Variants in CRBN observed in about 807,000 individuals in gnomAD.
CRBN encodes the protein cereblon, also known as protein cereblon.
A neutral mutation model predicts 62.2 loss-of-function variants in CRBN; 53 were observed. That is an observed-to-expected ratio of 0.85 (90% CI 0.68 to 1.07). The LOEUF (loss-of-function observed/expected upper bound fraction) is 1.07, where lower values mean the gene tolerates loss of function less well. Ranked by LOEUF, CRBN falls within the 50% of genes least tolerant of loss-of-function variation. The pLI is 0.00. For missense variants in CRBN, 616 were observed against 531.1 expected (o/e 1.16, Z -1.57); for synonymous variants, 208 against 176.1 (o/e 1.18, Z -1.43).
rs893968395 is a variant in CRBN at position 3,150,640 on chromosome 3, T to C, written c.*225A>G. ...GGATAATGGCACCAAGCTACCCAAG[T>C]AGATGTTTCTGGTATTCTAGACTGC... On this transcript the variant is annotated 3_prime_UTR_variant, in exon 11 of 11. Coordinates refer to ENST00000231948, the MANE Select transcript of CRBN (RefSeq NM_016302.4). 2.1e-6 allele frequency: 1 copy of C among 472,986 alleles called. No homozygotes were observed. 29.3% of individuals were successfully genotyped at this position (472,986 alleles called of 1,614,324 possible).
intron 5 of CRBN, among the ~76,000 whole-genome samples, chr3:3,161,677 G>A (rs1171347705): frequency 6.6e-6 from 1 of 152,202 alleles, no homozygotes; most frequent in African/African-American, 2.4e-5. Context: ...GTGAGCCACT[G>A]TGCCTGGCCT....
At chr3:3,153,188 C>T (rs1457077245) in intron 9 of CRBN, 1 of 458,898 alleles carries the variant, frequency 2.2e-6, no homozygotes, top group African/African-American at 2.0e-5. Flanking sequence ...AAAAGAATTT[C>T]TCAGTTGTTT....
chr3:3,153,737 G>GATATTTCCATGCAGAA, intron 8 of CRBN: 1 of 614,726 alleles, frequency 1.6e-6, no homozygotes, highest in Non-Finnish European at 2.9e-6. Flanking sequence ...TATAACCTTG[G>GATATTTCCATGCAGAA]ATATTTCCAT....
chr3:3,154,432 A>AATT, intron 7 of CRBN: 1 of 459,856 alleles, frequency 2.2e-6, no homozygotes, highest in African/African-American at 2.0e-5. Context: ...CACTTCTTTT[A>AATT]AAGGCACCTT....
In CRBN at chr3:3,172,942, AAAAGG is replaced by A. The variant is rs1163056550; in HGVS notation, c.378-22_378-18del. ...TGTACATTGCTTCCAAGAAAATTTT[AAAAGG>A]AAAGAATTTTGAACATTTGAGTTTT... On this transcript the variant is annotated intron_variant, in intron 3 of 10. Transcript: ENST00000231948. The A allele has an allele frequency of 6.2e-7, 1 of 1,608,878 alleles. No individual in the cohort carries two copies. The highest frequency in any genetic ancestry group is 8.5e-7 in the Non-Finnish European group (1 of 1,175,404).
chr3:3,153,766 T>C, intron 8 of CRBN, 194 bp downstream of exon 8: 2 of 625,096 alleles, frequency 3.2e-6, no homozygotes, highest in Non-Finnish European at 5.8e-6. Flanking sequence ...CAAGTTATTT[T>C]TCACTAAGTT....
intron 5 of CRBN, among the ~76,000 whole-genome samples, chr3:3,165,820 A>G (rs1382311993): frequency 6.6e-6 from 1 of 152,202 alleles, no homozygotes; most frequent in Non-Finnish European, 1.5e-5. Context: ...CTACGTGAAT[A>G]TTCAGATGAC....
Position 3,175,780 on chromosome 3 carries a change from C to A in CRBN, c.68-511G>T, listed in dbSNP as rs114862603. Among the ~76,000 whole-genome samples, 277 of 152,204 alleles carry A rather than the reference C, an allele frequency of 1.8e-3. 2 individuals are homozygous for A. Among genetic ancestry groups the A allele is most frequent in the African/African-American group, 6.3e-3 (261 of 41,528 alleles). On this transcript the variant is annotated intron_variant, in intron 1 of 10. Transcript: ENST00000231948. ...GAGTTTTGAGGAGTACTGGTCAGGC[C>A]TTTTGTAGAGTATCCCTCAACTGGG...
At chr3:3,152,219 T>C (rs1134196) in intron 10 of CRBN, among the ~76,000 whole-genome samples, 31,512 of 151,332 alleles carry the variant, frequency 0.21, 4,265 homozygotes, top group East Asian at 0.72. Context: ...GGCACAATCT[T>C]GGCTCACTGC....
rs1258038230 is a variant in CRBN at position 3,175,288 on chromosome 3, G to T, written c.68-19C>A. 4.0e-6 allele frequency: 6 copies of T among 1,492,304 alleles called. No homozygotes were observed. Among genetic ancestry groups the T allele is most frequent in the Admixed American group, 1.7e-5 (1 of 57,932 alleles). The allele number at this position is 1,492,304 out of a possible 1,614,324, so 92.4% of individuals were successfully genotyped here. A position where few individuals can be genotyped will look rare whatever the true frequency, so the allele number is the denominator to read the frequency against. ...CTCTCTGCTATAAAAGTAGAATATT[G>T]TAAGAAAAAAAAAAAGATGAATGAA... On this transcript the variant is annotated intron_variant, in intron 1 of 10. Transcript: ENST00000231948.
intron 5 of CRBN, among the ~76,000 whole-genome samples, chr3:3,158,251 A>G (rs1706988518): frequency 6.6e-6 from 1 of 152,194 alleles, no homozygotes; most frequent in East Asian, 1.9e-4. Context: ...CGCTCCTATA[A>G]GAATCTATGC....
At chr3:3,176,622 G>C (rs1707833532) in intron 1 of CRBN, among the ~76,000 whole-genome samples, 1 of 152,202 alleles carries the variant, frequency 6.6e-6, no homozygotes. Context: ...TGTAATCCCA[G>C]CTACTGGGGA....
rs114230079 is a variant in CRBN, at chr3:3,174,635, A to C, written c.175-374T>G. ...ACTCGAGCTTGGGCGACAGAGCAACACTCTGTCTCAAAAAAAAAGAAAAAA... is the reference window on the plus strand; with the variant it reads ...ACTCGAGCTTGGGCGACAGAGCAACCCTCTGTCTCAAAAAAAAAGAAAAAA... On this transcript the variant is annotated intron_variant, in intron 2 of 10. Coordinates refer to ENST00000231948, the MANE Select transcript of CRBN (RefSeq NM_016302.4). 7.7e-3 allele frequency among the ~76,000 whole-genome samples: 1,159 copies of C among 151,384 alleles called. 14 individuals carry two copies. The highest frequency in any genetic ancestry group is 0.022 in the African/African-American group (897 of 41,252).
In CRBN at chr3:3,174,281, G is replaced by C; in HGVS notation, c.175-20C>G. 1.3e-6 allele frequency: 2 copies of C among 1,536,206 alleles called. No homozygotes were observed. Among genetic ancestry groups the C allele is most frequent in the Non-Finnish European group, 1.8e-6 (2 of 1,108,926 alleles). On this transcript the variant is annotated intron_variant, in intron 2 of 10. Transcript: ENST00000231948. ...TAGGTACTATATAAAAACATATATAGGTATAGTGTCATGATCGATATGTAA... is the reference window on the plus strand; with the variant it reads ...TAGGTACTATATAAAAACATATATACGTATAGTGTCATGATCGATATGTAA...
rs1239269468 is a variant in CRBN at position 3,178,013 on chromosome 3, CA to C, written c.67+1607del. On this transcript the variant is annotated intron_variant, in intron 1 of 10. Coordinates refer to ENST00000231948, the MANE Select transcript of CRBN (RefSeq NM_016302.4). ...CTGAAAAACAAAAAACAAAACAAAA[CA>C]AACAAAAAAAAAACAAACAAAAAAC... 3.4e-4 allele frequency among the ~76,000 whole-genome samples: 48 copies of C among 139,248 alleles called. 1 individual carries two copies. In the East Asian group the frequency reaches 7.9e-3, roughly 23 times the overall value. 91.4% of individuals were successfully genotyped at this position (139,248 alleles called of 152,430 possible).
At chr3:3,177,115 T>C (rs930019893) in intron 1 of CRBN, among the ~76,000 whole-genome samples, 4 of 151,634 alleles carry the variant, frequency 2.6e-5, no homozygotes, top group Admixed American at 6.6e-5. Flanking sequence ...CCCAAAGAAT[T>C]CTCCAGCCCA....
intron 3 of CRBN, among the ~76,000 whole-genome samples, chr3:3,173,722 G>A (rs1707721011): frequency 1.3e-5 from 2 of 152,104 alleles, no homozygotes; most frequent in Non-Finnish European, 2.9e-5. Context: ...AATCCTTTAC[G>A]TTAAAATAAA....
At position 3,150,845 on chromosome 3, in the gene CRBN, T is replaced by TAAC. The variant is rs397828468; in HGVS notation, c.*19_*20insGTT. The TAAC allele has an allele frequency of 8.1e-6, 13 of 1,607,838 alleles. No individual in the cohort carries two copies. Among genetic ancestry groups the TAAC allele is most frequent in the African/African-American group, 1.3e-5 (1 of 74,662 alleles). ...GAATATAACCAATTTGTTAGATAAC[T>TAAC]TTATCTCTATCACATCTGTTTACAA... is the stretch of plus-strand genomic sequence containing the variant. On this transcript the variant is annotated 3_prime_UTR_variant, in exon 11 of 11. Transcript: ENST00000231948.
In CRBN at chr3:3,175,887, CT is replaced by C. The variant is rs374981246; in HGVS notation, c.68-619del. 8.3e-3 allele frequency among the ~76,000 whole-genome samples: 1,265 copies of C among 152,238 alleles called. 9 individuals are homozygous for C. Among genetic ancestry groups the C allele is most frequent in the African/African-American group, 0.028 (1,179 of 41,532 alleles). ...ACCACAGAAGTGAAGTGTTGTTATT[CT>C]TTTCCTTTTTAGAAATGGGGTCTGT... is the stretch of plus-strand genomic sequence containing the variant. On this transcript the variant is annotated intron_variant, in intron 1 of 10. Transcript: ENST00000231948.
Sources: gnomAD v4.1 joint callset for allele counts (sites outside exome capture counted in the v4.1 genomes callset) on GRCh38, gnomAD v4.1.1 for gene constraint, MANE v1.5 for transcripts, NCBI Gene and HGNC (gene_info 2026-07-23, HGNC 2026-07-21) for gene names.